Variants in DNAJA3 observed in about 807,000 individuals in gnomAD.
DNAJA3 encodes DnaJ heat shock protein family (Hsp40) member A3.
Under a neutral mutation model 54.9 loss-of-function variants are expected in DNAJA3, and 29 were observed. The observed-to-expected ratio is 0.53, with a 90% CI of 0.39 to 0.72. The LOEUF is 0.72. DNAJA3 is among the 30% of genes least tolerant of loss of function. DNAJA3 has a pLI of 0.00. For synonymous variants in DNAJA3, 302 were observed against 251.4 expected (o/e 1.20, Z -1.90); for missense variants, 708 against 639.4 (o/e 1.11, Z -1.16).
intron 3 of DNAJA3, chr16:4,441,050 G>C (rs1488499204): frequency 2.4e-6 from 1 of 413,768 alleles, no homozygotes; most frequent in Non-Finnish European, 4.3e-6. Context: ...CCCCTGAGGA[G>C]AGAGGTGAAG....
At chr16:4,437,838 A>G (rs902466207) in intron 3 of DNAJA3, among the ~76,000 whole-genome samples, 15 of 151,574 alleles carry the variant, frequency 9.9e-5, no homozygotes, top group Admixed American at 5.3e-4. Context: ...CTGTAAACCC[A>G]GCTACTTGGG....
chr16:4,425,887 T>C lies in DNAJA3; in HGVS notation c.6T>C (p.Ala2=), dbSNP rs1393988309. 5.9e-6 allele frequency: 9 copies of C among 1,533,336 alleles called. No individual in the cohort carries two copies. In the Middle Eastern group the frequency reaches 6.8e-4, roughly 116 times the overall value. The allele number at this position is 1,533,336 out of a possible 1,614,324, so 95.0% of individuals were successfully genotyped here. Residue 2 remains alanine (A), a synonymous_variant, in exon 1 of 12, where the codon GCT becomes GCC. Transcript: ENST00000262375. M[A]ARCSTRWLLV... ...CGCAGAGTCCCCGGGCCAAGATGGC[T>C]GCGCGGTGCTCCACACGCTGGTTGC... is the stretch of plus-strand genomic sequence containing the variant.
At chr16:4,443,315 C>A in intron 6 of DNAJA3, 151 bp downstream of exon 6, 1 of 991,966 alleles carries the variant, frequency 1.0e-6, no homozygotes, top group East Asian at 2.7e-5. Flanking sequence ...GCCCTGGAGC[C>A]CCAGGCTGGA....
rs537339247 is a variant in DNAJA3, at chr16:4,441,142, G to A, written c.430-233G>A. On this transcript the variant is annotated intron_variant, in intron 3 of 11. Transcript: ENST00000262375. Reference sequence around the variant, plus strand: ...CATTTTCCCAGCATGCGCGACGGCGGGAGAGTTCGTGAGACTTTTGGAAGC... The same window carrying A: ...CATTTTCCCAGCATGCGCGACGGCGAGAGAGTTCGTGAGACTTTTGGAAGC... The A allele has an allele frequency of 2.1e-4, 118 of 557,632 alleles. 2 individuals are homozygous for A. The South Asian group carries it at 2.9e-3, about 14-fold the overall frequency. The allele number at this position is 557,632 out of a possible 1,614,324, so 34.5% of individuals were successfully genotyped here.
At chr16:4,427,504 G>A (rs1329337638) in intron 1 of DNAJA3, 5 of 152,156 alleles carry the variant, frequency 3.3e-5, no homozygotes, top group South Asian at 2.1e-4. Context: ...CTTCCCCAGC[G>A]TCTGTGAGCG....
intron 1 of DNAJA3, among the ~76,000 whole-genome samples, chr16:4,428,469 A>G (rs1005219535): frequency 6.2e-4 from 95 of 152,204 alleles, no homozygotes; most frequent in African/African-American, 2.2e-3. Context: ...GCATCTTTTC[A>G]TTCAAATATT....
chr16:4,429,246 C>T (rs1596358368), intron 1 of DNAJA3, among the ~76,000 whole-genome samples: 1 of 150,914 alleles, frequency 6.6e-6, no homozygotes, highest in Non-Finnish European at 1.5e-5. Flanking sequence ...GGCTGGAGTG[C>T]AGTGGTGCGA....
In DNAJA3 at chr16:4,455,790, G is replaced by A; in HGVS notation, c.*258G>A. 1.7e-6 allele frequency: 1 copy of A among 596,792 alleles called. No homozygotes were observed. Among genetic ancestry groups the A allele is most frequent in the Non-Finnish European group, 3.0e-6 (1 of 334,206 alleles). The allele number at this position is 596,792 out of a possible 1,614,324, so 37.0% of individuals were successfully genotyped here. On this transcript the variant is annotated 3_prime_UTR_variant, in exon 12 of 12. Transcript: ENST00000262375. The stretch of plus-strand genomic sequence containing the variant: ...AGTTTCCTGTCCATTGGTAGGTGAC[G>A]GCCCCTGGCTCAGGCAGAGGGAGAT...
Position 4,426,008 on chromosome 16 carries a change from C to G in DNAJA3, c.127C>G (p.Leu43Val), listed in dbSNP as rs1239130017. The change falls in exon 1 of 12, where the codon CTG becomes GTG. Residue 43 changes from leucine (L) to valine (V), a missense_variant. Leu to Val is a conservative substitution (Grantham distance 32). Coordinates refer to ENST00000262375, the MANE Select transcript of DNAJA3 (RefSeq NM_005147.6). ...GGTGGGGGCATGGCTGAGCCGCAAG[C>G]TGAGCGTCCCCGCCTTTGCGTCTTC... is the stretch of plus-strand genomic sequence containing the variant. Reference protein sequence around the residue: ...GVVGAWLSRKLSVPAFASSLT... With the variant: ...GVVGAWLSRKVSVPAFASSLT... 1.9e-6 allele frequency: 3 copies of G among 1,606,358 alleles called. No homozygotes were observed. The highest frequency in any genetic ancestry group is 2.5e-6 in the Non-Finnish European group (3 of 1,177,134).
At chr16:4,441,293 G>A (rs781617622) in intron 3 of DNAJA3, 82 bp from the exon 4 acceptor site, 14 of 1,309,514 alleles carry the variant, frequency 1.1e-5, no homozygotes, top group East Asian at 7.0e-5. Flanking sequence ...TGTTATGGCT[G>A]CCTTATTTGC....
chr16:4,432,334 T>C (rs1170764254), intron 1 of DNAJA3, among the ~76,000 whole-genome samples: 1 of 77,988 alleles, frequency 1.3e-5, no homozygotes, highest in Non-Finnish European at 3.3e-5. Context: ...TATTTTTCTT[T>C]CTTTTTTTTT....
intron 10 of DNAJA3, among the ~76,000 whole-genome samples, chr16:4,453,960 A>C (rs753363776): frequency 6.6e-6 from 1 of 152,200 alleles, no homozygotes; most frequent in South Asian, 2.1e-4. Context: ...ACTCACAACA[A>C]AAGTGTGCAC....
chr16:4,448,396 T>A (rs1027490343), intron 8 of DNAJA3, among the ~76,000 whole-genome samples: 1 of 151,392 alleles, frequency 6.6e-6, no homozygotes, highest in Admixed American at 6.6e-5. Context: ...AGAGCTGGAG[T>A]GCAATGGCAC....
intron 5 of DNAJA3, 164 bp downstream of exon 5, chr16:4,442,584 C>A: frequency 1.2e-6 from 1 of 813,872 alleles, no homozygotes; most frequent in Non-Finnish European, 1.8e-6. Context: ...GCCTGTGCTC[C>A]TCTTTCCCTG....
chr16:4,450,158 T>G, intron 9 of DNAJA3: 1 of 459,066 alleles, frequency 2.2e-6, no homozygotes. Flanking sequence ...TAAACTGTAT[T>G]TAGCATAGCC....
intron 2 of DNAJA3, among the ~76,000 whole-genome samples, chr16:4,437,160 G>C (rs1459928668): frequency 6.6e-6 from 1 of 152,074 alleles, no homozygotes; most frequent in Non-Finnish European, 1.5e-5. Context: ...TTGGTGGAGA[G>C]GGGTTTCGCT....
chr16:4,447,813 TC>T (rs1384183959), intron 8 of DNAJA3: 6 of 100,940 alleles, frequency 5.9e-5, no homozygotes, highest in Non-Finnish European at 1.4e-4. Context: ...AAGTGGTGGT[TC>T]TTTTTTTTTT....
At position 4,426,003 on chromosome 16, in the gene DNAJA3, G is replaced by A. The variant is rs1376722560; in HGVS notation, c.122G>A (p.Arg41His). The part of the protein sequence containing the change: ...REGVVGAWLS[R>H]KLSVPAFASS... Reference sequence around the variant, plus strand: ...GGCGTGGTGGGGGCATGGCTGAGCCGCAAGCTGAGCGTCCCCGCCTTTGCG... The same window carrying A: ...GGCGTGGTGGGGGCATGGCTGAGCCACAAGCTGAGCGTCCCCGCCTTTGCG... Residue 41 changes from arginine (R) to histidine (H), a missense_variant, in exon 1 of 12, where the codon CGC becomes CAC. By Grantham distance (29) the Arg-to-His change is conservative. Transcript: ENST00000262375. The A allele has an allele frequency of 4.4e-6, 7 of 1,603,142 alleles. No homozygotes were observed. The highest frequency in any genetic ancestry group is 1.7e-5 in the Admixed American group (1 of 59,006).
intron 7 of DNAJA3, among the ~76,000 whole-genome samples, chr16:4,445,970 G>T (rs1391865021): frequency 6.6e-6 from 1 of 150,638 alleles, no homozygotes; most frequent in Non-Finnish European, 1.5e-5. Context: ...TGCCCAGTCT[G>T]GAGTGCAGTG....
Sources: gnomAD v4.1 joint callset for allele counts (sites outside exome capture counted in the v4.1 genomes callset) on GRCh38, gnomAD v4.1.1 for gene constraint, MANE v1.5 for transcripts, NCBI Gene and HGNC (gene_info 2026-07-23, HGNC 2026-07-21) for gene names.